Variants in PTPRE observed in about 807,000 individuals in gnomAD.
PTPRE encodes the protein receptor-type tyrosine-protein phosphatase epsilon.
A neutral mutation model predicts 102.0 loss-of-function variants in PTPRE; 51 were observed. The observed-to-expected ratio is 0.50, with a 90% confidence interval of 0.40 to 0.63. The LOEUF is 0.63. PTPRE is among the 30% of genes least tolerant of loss of function. The pLI is 0.00. For synonymous variants in PTPRE, 345 were observed against 348.2 expected, an observed-to-expected ratio of 0.99 and a Z score of 0.10; for missense variants, 752 against 915.1, an observed-to-expected ratio of 0.82 and a Z score of 2.30.
intron 2 of PTPRE, among the ~76,000 whole-genome samples, chr10:128,039,580 A>C (rs770605072): frequency 6.6e-6 from 1 of 152,186 alleles, no homozygotes; most frequent in Non-Finnish European, 1.5e-5. Context: ...AATAGTGGTG[A>C]TTACTGAAAC....
chr10:128,077,793 C>G lies in PTPRE; in HGVS notation c.1892+10C>G, dbSNP rs762713443. 2 of 1,577,964 alleles carry G rather than the reference C, an allele frequency of 1.3e-6. No individual in the cohort carries two copies. The highest frequency in any genetic ancestry group is 1.1e-5 in the South Asian group (1 of 88,846). Reference sequence around the variant, plus strand: ...TCACCGTGCACTGCAGGTGAGCCCCCAGCCCGAAGCCCTCCAGGTGGGGTG... The same window carrying G: ...TCACCGTGCACTGCAGGTGAGCCCCGAGCCCGAAGCCCTCCAGGTGGGGTG... On this transcript the variant is annotated intron_variant, in intron 19 of 20. Coordinates refer to ENST00000254667, the MANE Select transcript of PTPRE (RefSeq NM_006504.6).
chr10:128,052,933 C>T (rs1295911893), intron 6 of PTPRE, among the ~76,000 whole-genome samples: 3 of 152,144 alleles, frequency 2.0e-5, no homozygotes, highest in East Asian at 1.9e-4. Context: ...GAGAAAGGAA[C>T]GTGGCTCATG....
chr10:127,915,666 G>A (rs1460205601), intron 1 of PTPRE, among the ~76,000 whole-genome samples: 1 of 152,138 alleles, frequency 6.6e-6, no homozygotes, highest in African/African-American at 2.4e-5. Flanking sequence ...GCCAAGCCAG[G>A]CCTATTCTTA....
chr10:127,999,931 C>T lies in PTPRE; in HGVS notation c.-8+17635C>T, dbSNP rs549441218. 1,558 of 985,348 alleles carry T rather than the reference C, an allele frequency of 1.6e-3. 4 individuals are homozygous for T. Among genetic ancestry groups the T allele is most frequent in the Non-Finnish European group, 1.8e-3 (1,501 of 829,946 alleles). The allele number at this position is 985,348 out of a possible 1,614,324, so 61.0% of individuals were successfully genotyped here. A position where few individuals can be genotyped will look rare whatever the true frequency, so the allele number is the denominator to read the frequency against. On this transcript the variant is annotated intron_variant, in intron 2 of 20. Transcript: ENST00000254667. Reference sequence around the variant, plus strand: ...TGGACATGGGTCTGAACGAATTGATCACCTAGGGGCTACTGAGAACGCGGT... The same window carrying T: ...TGGACATGGGTCTGAACGAATTGATTACCTAGGGGCTACTGAGAACGCGGT...
chr10:128,004,808 A>G (rs1854351409), intron 2 of PTPRE, among the ~76,000 whole-genome samples: 1 of 152,242 alleles, frequency 6.6e-6, no homozygotes, highest in African/African-American at 2.4e-5. Context: ...TTGAGGAACC[A>G]TTAAATCTTT....
intron 1 of PTPRE, among the ~76,000 whole-genome samples, chr10:127,917,104 AT>A (rs1390786301): frequency 2.6e-5 from 4 of 151,900 alleles, no homozygotes; most frequent in African/African-American, 9.7e-5. Flanking sequence ...CAACATGACC[AT>A]GTGGGTGAGA....
chr10:127,994,238 C>A (rs563674246), intron 2 of PTPRE, among the ~76,000 whole-genome samples: 1 of 152,138 alleles, frequency 6.6e-6, no homozygotes, highest in Non-Finnish European at 1.5e-5. Context: ...TGGTGACTGG[C>A]GAAGGACTTT....
intron 7 of PTPRE, among the ~76,000 whole-genome samples, chr10:128,060,449 C>G (rs1849484973): frequency 6.6e-6 from 1 of 152,164 alleles, no homozygotes; most frequent in South Asian, 2.1e-4. Flanking sequence ...AATCCTAGAC[C>G]CCCACATCCA....
At chr10:127,962,742 A>T (rs937501176) in intron 1 of PTPRE, among the ~76,000 whole-genome samples, 11 of 152,202 alleles carry the variant, frequency 7.2e-5, no homozygotes, top group Middle Eastern at 3.2e-3. Context: ...ATGGCCAAGG[A>T]GGGAGCAGTG....
intron 2 of PTPRE, among the ~76,000 whole-genome samples, chr10:128,000,813 C>G (rs1366564232): frequency 6.6e-6 from 1 of 152,210 alleles, no homozygotes; most frequent in Non-Finnish European, 1.5e-5. Context: ...GTCCCTGGCA[C>G]TGTAAGAATT....
intron 1 of PTPRE, among the ~76,000 whole-genome samples, chr10:127,920,681 G>T (rs1189345645): frequency 2.6e-5 from 4 of 152,206 alleles, no homozygotes; most frequent in Non-Finnish European, 5.9e-5. Context: ...CGGGGCTGAA[G>T]GGAGGTTGGG....
In PTPRE at chr10:128,083,879, C is replaced by G. The variant is rs1016196002; in HGVS notation, c.*973C>G. On this transcript the variant is annotated 3_prime_UTR_variant, in exon 21 of 21. Transcript: ENST00000254667. ...TAGGATAGAAACAGTAGAATAACCA[C>G]GGGCAATTAAACTTTAAATTTTCTG... 2 of 152,142 alleles carry G rather than the reference C, an allele frequency of 1.3e-5. No homozygotes were observed. Among genetic ancestry groups the G allele is most frequent in the Non-Finnish European group, 2.9e-5 (2 of 68,018 alleles). 9.4% of individuals were successfully genotyped at this position (152,142 alleles called of 1,614,324 possible). A position where few individuals can be genotyped will look rare whatever the true frequency, so the allele number is the denominator to read the frequency against.
At chr10:127,912,953 C>A (rs1025964684) in intron 1 of PTPRE, among the ~76,000 whole-genome samples, 3 of 152,176 alleles carry the variant, frequency 2.0e-5, no homozygotes, top group Non-Finnish European at 2.9e-5. Context: ...GTGGAAGCCA[C>A]GGGGCTTTAT....
rs59423510 is a variant in PTPRE, at chr10:127,907,873, G to A, written c.-31+564G>A. On this transcript the variant is annotated intron_variant, in intron 1 of 20. Coordinates refer to ENST00000254667, the MANE Select transcript of PTPRE (RefSeq NM_006504.6). The surrounding 1 kb of genome is among the most constrained non-coding windows in gnomAD (Gnocchi z 4.8). ...CGGGATGCAGCAGCCGCCGGGGGTC[G>A]GAGATGCGGCAGGGAGACCCTGGCA... Among the ~76,000 whole-genome samples the A allele has an allele frequency of 0.1, 15,657 of 152,288 alleles. 1,004 individuals are homozygous for A. The highest frequency in any genetic ancestry group is 0.17 in the African/African-American group (7,031 of 41,554).
At chr10:127,972,475 T>G (rs1299073029) in intron 1 of PTPRE, among the ~76,000 whole-genome samples, 1 of 152,162 alleles carries the variant, frequency 6.6e-6, no homozygotes. Flanking sequence ...TCCTCATAAA[T>G]GTGATTATTA....
intron 1 of PTPRE, among the ~76,000 whole-genome samples, chr10:127,947,311 A>C (rs1210417163): frequency 6.6e-6 from 1 of 152,210 alleles, no homozygotes; most frequent in Non-Finnish European, 1.5e-5. Context: ...TGTTTATCTA[A>C]AGTGAGCCAG....
chr10:128,068,000 A>G, intron 11 of PTPRE, 123 bp from the exon 12 acceptor site: 2 of 1,108,250 alleles, frequency 1.8e-6, no homozygotes, highest in South Asian at 1.5e-5. Context: ...CCCTCTGTGG[A>G]TGGGCCCCTC....
rs896884658 is a variant in PTPRE at position 127,917,671 on chromosome 10, A to AT, written c.-31+10370dup. 4.6e-5 allele frequency among the ~76,000 whole-genome samples: 7 copies of AT among 152,134 alleles called. No individual in the cohort carries two copies. In the East Asian group the frequency reaches 1.2e-3, roughly 25 times the overall value. ...CAGAGCGAGAACCTGTCTCAAAAAA[A>AT]TTTTTTTTATTTTGAAAATTGGGTT... On this transcript the variant is annotated intron_variant, in intron 1 of 20. Coordinates refer to ENST00000254667, the MANE Select transcript of PTPRE (RefSeq NM_006504.6).
intron 2 of PTPRE, among the ~76,000 whole-genome samples, chr10:128,040,175 G>A (rs979568580): frequency 6.6e-6 from 1 of 152,158 alleles, no homozygotes; most frequent in African/African-American, 2.4e-5. Flanking sequence ...TCACCTGAGA[G>A]TTTAGACATG....
Sources: gnomAD v4.1 joint callset for allele counts (sites outside exome capture counted in the v4.1 genomes callset) on GRCh38, gnomAD v4.1.1 for gene constraint, Gnocchi (gnomAD v3.1) non-coding constraint, MANE v1.5 for transcripts, NCBI Gene and HGNC (gene_info 2026-07-23, HGNC 2026-07-21) for gene names.